Variants in GPS1 observed in about 807,000 individuals in gnomAD.
The protein encoded by GPS1 is G protein pathway suppressor 1, also known as COP9 signalosome complex subunit 1.
In GPS1, 11 loss-of-function variants were observed where a neutral mutation model predicts 60.0. The observed-to-expected ratio is 0.18, with a 90% CI of 0.12 to 0.30. The LOEUF is 0.30. GPS1 is among the 10% of genes least tolerant of loss of function. The pLI, the probability that GPS1 is intolerant of heterozygous loss-of-function variation, is 1.00. For synonymous variants in GPS1, 343 were observed against 269.8 expected (o/e 1.27, Z -2.66); for missense variants, 543 against 669.2 (o/e 0.81, Z 2.08).
intron 1 of GPS1, chr17:82,052,273 G>A: frequency 6.2e-7 from 1 of 1,612,082 alleles, no homozygotes; most frequent in Non-Finnish European, 8.5e-7. Flanking sequence ...CCAGCTCTGT[G>A]TCAGGGTCGG....
chr17:82,052,055 GC>G, intron 1 of GPS1, 91 bp downstream of exon 1: 1 of 997,888 alleles, frequency 1.0e-6, no homozygotes, highest in Non-Finnish European at 1.2e-6. Flanking sequence ...CGGGGCCTGC[GC>G]CAGGAGTCGG....
At chr17:82,052,450 G>A in intron 1 of GPS1, 1 of 1,611,454 alleles carries the variant, frequency 6.2e-7, no homozygotes, top group Non-Finnish European at 8.5e-7. Context: ...CCTGTACGCT[G>A]CTCTACGAGG....
chr17:82,055,143 A>T lies in GPS1; in HGVS notation c.688-19A>T. 1 of 1,564,222 alleles carries T rather than the reference A, an allele frequency of 6.4e-7. No homozygotes were observed. The highest frequency in any genetic ancestry group is 1.2e-5 in the South Asian group (1 of 85,608). ...GAAATGTGGAGCATGGGCCTCACGC[A>T]TGTGGCTTCCTCCTACAGCAGCGAG... is the stretch of plus-strand genomic sequence containing the variant. On this transcript the variant is annotated intron_variant, in intron 5 of 12. Coordinates refer to ENST00000578552, the MANE Select transcript of GPS1 (RefSeq NM_001321092.3).
intron 8 of GPS1, 44 bp downstream of exon 8, chr17:82,056,139 T>C (rs758086409): frequency 4.0e-6 from 6 of 1,508,060 alleles, no homozygotes; most frequent in Middle Eastern, 1.8e-4. Context: ...TCCCCGTCCC[T>C]CTCCGTGGCT....
intron 6 of GPS1, 32 bp from the exon 7 acceptor site, chr17:82,055,707 TC>T: frequency 9.6e-6 from 10 of 1,038,576 alleles, no homozygotes; most frequent in African/African-American, 1.6e-5. Flanking sequence ...TTACCCCCTC[TC>T]CCCCCTCCCC....
rs774487253 is a variant in GPS1 at position 82,055,356 on chromosome 17, T to C, written c.748+134T>C. 6.4e-6 allele frequency: 6 copies of C among 939,398 alleles called. No homozygotes were observed. In the African/African-American group the frequency reaches 9.8e-5, roughly 15 times the overall value. 58.2% of individuals were successfully genotyped at this position (939,398 alleles called of 1,614,324 possible). A position where few individuals can be genotyped will look rare whatever the true frequency, so the allele number is the denominator to read the frequency against. On this transcript the variant is annotated intron_variant, in intron 6 of 12. Coordinates refer to ENST00000578552, the MANE Select transcript of GPS1 (RefSeq NM_001321092.3). ...CAGGGCGCAGGATGTTGTGGGCACA[T>C]GTACAGGTGTAGGTGGTGCCTAAAG...
upstream of GPS1, chr17:82,051,390 G>A: frequency 1.4e-6 from 2 of 1,429,470 alleles, no homozygotes; most frequent in Non-Finnish European, 1.8e-6. The surrounding 1 kb of genome is among the most constrained non-coding windows in gnomAD (Gnocchi z 4.1). Context: ...GCCCAGGCCG[G>A]AGACCGACCC....
In GPS1 at chr17:82,052,897, C is replaced by G. The variant is rs545903859; in HGVS notation, c.34-377C>G. ...CCTGGGGTTGAGGTGGCGTCCCGTT[C>G]TTCTCCGTGGCTTGGAGGAAACTAC... is the stretch of plus-strand genomic sequence containing the variant. On this transcript the variant is annotated intron_variant, in intron 1 of 12. Transcript: ENST00000578552. 9 of 245,340 alleles carry G rather than the reference C, an allele frequency of 3.7e-5. No individual in the cohort carries two copies. In the South Asian group the frequency reaches 7.0e-4, roughly 19 times the overall value. 15.2% of individuals were successfully genotyped at this position (245,340 alleles called of 1,614,324 possible).
At chr17:82,055,647 G>T (rs996088971) in intron 6 of GPS1, 93 bp from the exon 7 acceptor site, 17 of 829,392 alleles carry the variant, frequency 2.0e-5, no homozygotes, top group Non-Finnish European at 3.3e-5. Flanking sequence ...GCTGGTGGTC[G>T]CGTTCTCCCT....
upstream of GPS1, chr17:82,051,540 C>A: frequency 7.1e-7 from 1 of 1,400,040 alleles, no homozygotes; most frequent in Non-Finnish European, 9.3e-7. This position sits in a 1 kb window ranked among gnomAD's most constrained non-coding sequence, Gnocchi z 4.1. Flanking sequence ...CAGCAGCAGC[C>A]GCAGGCGCGG....
rs771469047 is a variant in GPS1, at chr17:82,054,987, C to G, written c.687+12C>G. The G allele has an allele frequency of 3.1e-6, 5 of 1,612,940 alleles. No individual in the cohort carries two copies. In the African/African-American group the frequency reaches 6.7e-5, roughly 22 times the overall value. On this transcript the variant is annotated intron_variant, in intron 5 of 12. Coordinates refer to ENST00000578552, the MANE Select transcript of GPS1 (RefSeq NM_001321092.3). ...CAGAGATTGCCGAGGTACGGGCCAC[C>G]TCCTCAGAGACCTTGCCCCCAGGAT...
intron 5 of GPS1, 88 bp downstream of exon 5, chr17:82,055,063 G>T (rs963606024): frequency 1.9e-6 from 3 of 1,587,340 alleles, no homozygotes; most frequent in African/African-American, 2.7e-5. Context: ...TTCTCCCCCA[G>T]ATCTGAATCT....
At chr17:82,051,463 G>A, upstream of GPS1, 1 of 1,346,860 alleles carries the variant, frequency 7.4e-7, no homozygotes, top group South Asian at 1.9e-5. This position sits in a 1 kb window ranked among gnomAD's most constrained non-coding sequence, Gnocchi z 4.1. Flanking sequence ...GGGCGGGTGG[G>A]CGTGGGGCTC....
rs2031762001 is a variant in GPS1 at position 82,053,780 on chromosome 17, C to T, written c.127-88C>T. On this transcript the variant is annotated intron_variant, in intron 2 of 12. Coordinates refer to ENST00000578552, the MANE Select transcript of GPS1 (RefSeq NM_001321092.3). ...GCCCAGGGCGACATTCTGGCTAGGA[C>T]AGTCAGGCCCCAACTCCTGACCCTC... is the stretch of plus-strand genomic sequence containing the variant. The T allele has an allele frequency of 3.0e-6, 4 of 1,314,740 alleles. No homozygotes were observed. In the East Asian group the frequency reaches 9.5e-5, roughly 31 times the overall value. The allele number at this position is 1,314,740 out of a possible 1,614,324, so 81.4% of individuals were successfully genotyped here.
At chr17:82,052,191 C>G in intron 1 of GPS1, 4 of 1,403,776 alleles carry the variant, frequency 2.8e-6, no homozygotes, top group South Asian at 1.3e-5. Flanking sequence ...GCCCCGCCTC[C>G]CCTCCCAGCA....
In GPS1 at chr17:82,056,168, G is replaced by C. The variant is rs1166808263; in HGVS notation, c.929+73G>C. The C allele has an allele frequency of 2.1e-6, 3 of 1,420,318 alleles. No homozygotes were observed. The African/African-American group carries it at 4.2e-5, about 20-fold the overall frequency. The allele number at this position is 1,420,318 out of a possible 1,614,324, so 88.0% of individuals were successfully genotyped here. A position where few individuals can be genotyped will look rare whatever the true frequency, so the allele number is the denominator to read the frequency against. On this transcript the variant is annotated intron_variant, in intron 8 of 12. Coordinates refer to ENST00000578552, the MANE Select transcript of GPS1 (RefSeq NM_001321092.3). The stretch of plus-strand genomic sequence containing the variant: ...CGTGGCTGCTGCTTCGGCCTTGCAT[G>C]TCCTGGCCCCCTGGCCCCAGCGTTT...
At chr17:82,055,901 C>A in intron 7 of GPS1, 76 bp downstream of exon 7, 1 of 1,452,562 alleles carries the variant, frequency 6.9e-7, no homozygotes, top group South Asian at 1.2e-5. Flanking sequence ...AGGGTGAGGT[C>A]TCTCACAAAT....
At position 82,057,139 on chromosome 17, in the gene GPS1, T is replaced by C; in HGVS notation, c.*12T>C. On this transcript the variant is annotated 3_prime_UTR_variant, in exon 13 of 13. Transcript: ENST00000578552. ...GCACCAACATGTGAGGGGTGAACCT[T>C]GGCCTCCAGGACATCTGCACCCCCT... is the stretch of plus-strand genomic sequence containing the variant. The C allele has an allele frequency of 6.4e-7, 1 of 1,567,278 alleles. No individual in the cohort carries two copies. Among genetic ancestry groups the C allele is most frequent in the East Asian group, 2.3e-5 (1 of 44,418 alleles).
At chr17:82,054,277 G>A (rs2031948918) in intron 3 of GPS1, 1 of 742,428 alleles carries the variant, frequency 1.3e-6, no homozygotes, top group Non-Finnish European at 2.1e-6. Context: ...GGAGACTGTG[G>A]CTCAGGGGCC....
Sources: gnomAD v4.1 joint callset for allele counts on GRCh38, gnomAD v4.1.1 for gene constraint, Gnocchi (gnomAD v3.1) non-coding constraint, MANE v1.5 for transcripts, NCBI Gene and HGNC (gene_info 2026-07-23, HGNC 2026-07-21) for gene names.